Variants in WWOX observed in about 807,000 individuals in gnomAD.
WWOX encodes WW domain containing oxidoreductase.
WWOX carries 69 observed loss-of-function variants against 46.2 expected under a neutral mutation model. The ratio of observed to expected loss-of-function variants is 1.49; its 90% confidence interval spans 1.23 to 1.82. The LOEUF is 1.82. WWOX is among the 40% of genes most tolerant of loss of function. The probability of loss-of-function intolerance (pLI) is 0.00; values close to 1 mark genes in which losing one functional copy is unlikely to be tolerated. For synonymous variants in WWOX, 359 were observed against 202.6 expected, an observed-to-expected ratio of 1.77 and a Z score of -6.56; for missense variants, 919 against 542.6, an observed-to-expected ratio of 1.69 and a Z score of -6.89.
chr16:78,801,841 A>G (rs1234330560), intron 8 of WWOX, among the ~76,000 whole-genome samples: 1 of 152,194 alleles, frequency 6.6e-6, no homozygotes, highest in African/African-American at 2.4e-5. Context: ...TTTAAACTGA[A>G]TGTTGATATT....
At chr16:78,262,865 A>C (rs1383666046) in intron 5 of WWOX, among the ~76,000 whole-genome samples, 2 of 152,200 alleles carry the variant, frequency 1.3e-5, no homozygotes, top group East Asian at 3.8e-4. Context: ...TCATAAAAGT[A>C]GGAGCTGAAA....
At chr16:78,789,813 C>T (rs1390303865) in intron 8 of WWOX, among the ~76,000 whole-genome samples, 1 of 152,172 alleles carries the variant, frequency 6.6e-6, no homozygotes, top group Non-Finnish European at 1.5e-5. Context: ...GTTTTTCCCC[C>T]TCCAGCTGTA....
At chr16:79,137,385 C>G (rs548167801) in intron 8 of WWOX, among the ~76,000 whole-genome samples, 1 of 152,144 alleles carries the variant, frequency 6.6e-6, no homozygotes, top group African/African-American at 2.4e-5. Flanking sequence ...TTATTAAATT[C>G]AGTTTTTATC....
At chr16:78,748,109 C>T (rs534063207) in intron 8 of WWOX, among the ~76,000 whole-genome samples, 60 of 152,202 alleles carry the variant, frequency 3.9e-4, no homozygotes, top group African/African-American at 1.3e-3. Flanking sequence ...TCTCCCAGAC[C>T]GGACCCTCCA....
At chr16:78,388,695 C>T (rs1349773315) in intron 6 of WWOX, among the ~76,000 whole-genome samples, 2 of 143,112 alleles carry the variant, frequency 1.4e-5, no homozygotes, top group African/African-American at 2.5e-5. Context: ...CTCAGCCTGG[C>T]GTGGTGGCTC....
At chr16:78,250,344 T>C (rs768319899) in intron 5 of WWOX, among the ~76,000 whole-genome samples, 1 of 152,234 alleles carries the variant, frequency 6.6e-6, no homozygotes, top group African/African-American at 2.4e-5. Context: ...TGTGTAACTT[T>C]AGGCAAATAA....
intron 6 of WWOX, among the ~76,000 whole-genome samples, chr16:78,423,581 C>G (rs147325778): frequency 8.6e-5 from 13 of 151,934 alleles, no homozygotes; most frequent in Admixed American, 5.2e-4. Flanking sequence ...AATTTTGTTA[C>G]GTTTGTGAGG....
At chr16:78,731,862 T>TTTTGTG (rs34201735) in intron 8 of WWOX, among the ~76,000 whole-genome samples, 1 of 137,802 alleles carries the variant, frequency 7.3e-6, no homozygotes, top group African/African-American at 3.1e-5. Context: ...TTTTTTTTTT[T>TTTTGTG]TGAGAGACAG....
At chr16:78,859,001 T>A (rs77359181) in intron 8 of WWOX, among the ~76,000 whole-genome samples, 1,549 of 44,244 alleles carry the variant, frequency 0.035, 264 homozygotes, top group African/African-American at 0.067. Context: ...TTTTGAAATT[T>A]AAAAAAAAAA....
chr16:78,152,750 G>A (rs1047363275), intron 4 of WWOX, among the ~76,000 whole-genome samples: 1 of 152,174 alleles, frequency 6.6e-6, no homozygotes, highest in Non-Finnish European at 1.5e-5. Flanking sequence ...CTTGCCTCTC[G>A]AGAGATCTCA....
intron 8 of WWOX, among the ~76,000 whole-genome samples, chr16:78,656,893 C>T (rs1001333318): frequency 9.2e-5 from 14 of 152,248 alleles, no homozygotes; most frequent in South Asian, 4.1e-4. Flanking sequence ...GATACACAGC[C>T]GCTCTGTTTA....
Position 78,537,401 on chromosome 16 carries a change from G to A in WWOX, c.1056+104649G>A, listed in dbSNP as rs145032206. On this transcript the variant is annotated intron_variant, in intron 8 of 8. Transcript: ENST00000566780. The stretch of plus-strand genomic sequence containing the variant: ...GTCCTAAATCACGTGTCTTCTAAGC[G>A]GTGGAACTGATTTTCTCACTGACTA... Among the ~76,000 whole-genome samples, 5 of 152,256 alleles carry A rather than the reference G, an allele frequency of 3.3e-5. No homozygotes were observed. The South Asian group carries it at 8.3e-4, about 25-fold the overall frequency.
intron 8 of WWOX, among the ~76,000 whole-genome samples, chr16:79,038,388 G>C (rs2047908421): frequency 6.6e-6 from 1 of 152,092 alleles, no homozygotes; most frequent in Non-Finnish European, 1.5e-5. Context: ...GAAAAATTCT[G>C]TGAGTCTAAT....
rs561128665 is a variant in WWOX at position 78,367,773 on chromosome 16, T to G, written c.517-19087T>G. 1.3e-3 allele frequency among the ~76,000 whole-genome samples: 191 copies of G among 152,096 alleles called. 3 individuals carry two copies. The highest frequency in any genetic ancestry group is 4.5e-3 in the African/African-American group (188 of 41,482). ...ACCTCTTTTTTTTTTTTCTTTTTGT[T>G]TCGAGATGGAGTCTCGCTCTGTCAC... On this transcript the variant is annotated intron_variant, in intron 5 of 8. Transcript: ENST00000566780.
rs557335333 is a variant in WWOX at position 78,550,587 on chromosome 16, A to G, written c.1056+117835A>G. On this transcript the variant is annotated intron_variant, in intron 8 of 8. Coordinates refer to ENST00000566780, the MANE Select transcript of WWOX (RefSeq NM_016373.4). ...ACATGATATTTTCTACTATGGATGA[A>G]TGCTCCTCTTTTGAATTTTCATTTT... Among the ~76,000 whole-genome samples, 4 of 152,330 alleles carry G rather than the reference A, an allele frequency of 2.6e-5. No homozygotes were observed. The East Asian group carries it at 5.8e-4, about 22-fold the overall frequency.
chr16:78,860,643 A>G (rs1374157124), intron 8 of WWOX, among the ~76,000 whole-genome samples: 2 of 152,240 alleles, frequency 1.3e-5, no homozygotes, highest in Non-Finnish European at 2.9e-5. Flanking sequence ...TAAATACTTC[A>G]TATAAGTTCA....
At chr16:78,293,170 C>T (rs540407626) in intron 5 of WWOX, among the ~76,000 whole-genome samples, 1 of 152,312 alleles carries the variant, frequency 6.6e-6, no homozygotes, top group East Asian at 1.9e-4. Flanking sequence ...CTGTGTGGCT[C>T]CAGGCAAGTG....
At chr16:78,455,128 T>G (rs1252844724) in intron 8 of WWOX, among the ~76,000 whole-genome samples, 1 of 152,084 alleles carries the variant, frequency 6.6e-6, no homozygotes, top group Non-Finnish European at 1.5e-5. Context: ...TTTTCTGTCT[T>G]GAGGATAGAT....
intron 8 of WWOX, among the ~76,000 whole-genome samples, chr16:79,174,340 C>G (rs551874551): frequency 6.6e-6 from 1 of 152,294 alleles, no homozygotes; most frequent in African/African-American, 2.4e-5. Context: ...CAAGTTACAG[C>G]AAATCCTTCA....
Sources: allele counts gnomAD v4.1 joint callset (sites outside exome capture counted in the v4.1 genomes callset), GRCh38; gene constraint gnomAD v4.1.1; transcripts MANE v1.5; gene names NCBI Gene and HGNC (gene_info 2026-07-23, HGNC 2026-07-21).